Variants in RPGRIP1 observed in about 807,000 individuals in gnomAD.
The protein encoded by RPGRIP1 is RPGR interacting protein 1, also known as X-linked retinitis pigmentosa GTPase regulator-interacting protein 1.
In RPGRIP1, 128 loss-of-function variants were observed where a neutral mutation model predicts 157.9. That is an observed-to-expected ratio of 0.81 (90% confidence interval 0.70 to 0.94). RPGRIP1 has a LOEUF of 0.94. Among genes scored for constraint, RPGRIP1 ranks in the 40% least tolerant of loss-of-function variants. The pLI is 0.00. For synonymous variants in RPGRIP1, 554 were observed against 571.6 expected, an observed-to-expected ratio of 0.97 and a Z score of 0.44; for missense variants, 1,486 against 1,545.8, an observed-to-expected ratio of 0.96 and a Z score of 0.65.
intron 13 of RPGRIP1, 122 bp from the exon 14 acceptor site, chr14:21,321,732 C>G (rs1356964638): frequency 4.0e-6 from 4 of 1,005,540 alleles, no homozygotes; most frequent in East Asian, 5.1e-5. Context: ...AAACCTTCTT[C>G]TAGTGGGTGA....
chr14:21,292,394 T>C (rs2139140068), intron 2 of RPGRIP1, among the ~76,000 whole-genome samples: 1 of 152,002 alleles, frequency 6.6e-6, no homozygotes, highest in Middle Eastern at 3.4e-3. Context: ...CACAAATAGA[T>C]AAAACCACAT....
At chr14:21,324,330 C>A in intron 14 of RPGRIP1, 1 of 478,468 alleles carries the variant, frequency 2.1e-6, no homozygotes, top group African/African-American at 1.9e-5. Context: ...AAAACAATGT[C>A]ATATATAAGA....
At chr14:21,335,257 G>C (rs76523136) in intron 21 of RPGRIP1, among the ~76,000 whole-genome samples, 6,615 of 152,082 alleles carry the variant, frequency 0.043, 477 homozygotes, top group African/African-American at 0.15. Context: ...CAATACTTCT[G>C]TCCTATCTGG....
rs114921103 is a variant in RPGRIP1 at position 21,318,859 on chromosome 14, T to C, written c.1306+1009T>C. On this transcript the variant is annotated intron_variant, in intron 11 of 24. Transcript: ENST00000400017. The stretch of plus-strand genomic sequence containing the variant: ...GGAATACTTTTTTTTTTTTTTGCCA[T>C]CCAATTCTTGAAATTGAGTAGCAAA... 7.3e-3 allele frequency among the ~76,000 whole-genome samples: 1,106 copies of C among 151,806 alleles called. 11 individuals carry two copies. The highest frequency in any genetic ancestry group is 0.025 in the African/African-American group (1,043 of 41,414).
chr14:21,282,384 G>T (rs1859288918), intron 1 of RPGRIP1, among the ~76,000 whole-genome samples: 1 of 151,502 alleles, frequency 6.6e-6, no homozygotes, highest in Admixed American at 6.6e-5. Flanking sequence ...CTACAGGCAC[G>T]CACCACCATG....
At position 21,328,031 on chromosome 14, in the gene RPGRIP1, G is replaced by A. The variant is rs550360056; in HGVS notation, c.2895+224G>A. On this transcript the variant is annotated intron_variant, in intron 18 of 24. Coordinates refer to ENST00000400017, the MANE Select transcript of RPGRIP1 (RefSeq NM_020366.4). ...TAAAAATACAAAAAATTAGCTGGGC[G>A]TGGTGGCACATGCCTGTAATCCCAG... is the stretch of plus-strand genomic sequence containing the variant. Among the ~76,000 whole-genome samples, 9 of 152,246 alleles carry A rather than the reference G, an allele frequency of 5.9e-5. No individual in the cohort carries two copies. The South Asian group carries it at 1.0e-3, about 18-fold the overall frequency.
chr14:21,342,301 G>C (rs1378935165), intron 21 of RPGRIP1, among the ~76,000 whole-genome samples: 3 of 152,064 alleles, frequency 2.0e-5, no homozygotes, highest in Non-Finnish European at 4.4e-5. Flanking sequence ...CAGCCACTTT[G>C]GGAGGCTGAG....
chr14:21,351,007 A>T (rs1019225537), intron 24 of RPGRIP1, 97 bp from the exon 25 acceptor site: 2 of 644,066 alleles, frequency 3.1e-6, no homozygotes, highest in Non-Finnish European at 2.7e-6. Context: ...TGAAATGGGT[A>T]ATTTCATTCA....
intron 3 of RPGRIP1, among the ~76,000 whole-genome samples, chr14:21,299,984 T>A (rs1342820623): frequency 6.6e-6 from 1 of 152,162 alleles, no homozygotes; most frequent in East Asian, 1.9e-4. Context: ...CCCACCCTTG[T>A]GAACTCATTT....
At chr14:21,342,684 G>A (rs906835770) in intron 21 of RPGRIP1, among the ~76,000 whole-genome samples, 4 of 151,992 alleles carry the variant, frequency 2.6e-5, no homozygotes, top group African/African-American at 9.7e-5. Flanking sequence ...TTCCCACCAA[G>A]CAACCTCCCA....
intron 9 of RPGRIP1, 51 bp downstream of exon 9, chr14:21,312,021 T>A: frequency 6.6e-7 from 1 of 1,513,636 alleles, no homozygotes; most frequent in Non-Finnish European, 9.1e-7. Flanking sequence ...TTCAGGGATG[T>A]TAGAATGTGT....
intron 4 of RPGRIP1, 134 bp from the exon 5 acceptor site, chr14:21,302,354 G>A (rs1028155975): frequency 1.2e-5 from 5 of 430,712 alleles, no homozygotes; most frequent in African/African-American, 8.1e-5. Flanking sequence ...ACTGCTCCTC[G>A]GGGACCATTT....
chr14:21,321,356 C>T lies in RPGRIP1; in HGVS notation c.1565C>T (p.Thr522Ile). 2.5e-6 allele frequency: 4 copies of T among 1,613,764 alleles called. No homozygotes were observed. The highest frequency in any genetic ancestry group is 3.4e-6 in the Non-Finnish European group (4 of 1,179,778). ...GAGACCACATTGGAACTAGAAAAGACCAGGGACATGCTTATTCTGCAGCGC... is the reference window on the plus strand; with the variant it reads ...GAGACCACATTGGAACTAGAAAAGATCAGGGACATGCTTATTCTGCAGCGC... Reference protein sequence around the residue: ...HAETTLELEKTRDMLILQRKI... With the variant: ...HAETTLELEKIRDMLILQRKI... The change falls in exon 13 of 25, where the codon ACC becomes ATC. Residue 522 changes from threonine (T) to isoleucine (I), a missense_variant. By Grantham distance (89) the Thr-to-Ile change is moderately conservative (BLOSUM62 -1). Transcript: ENST00000400017.
intron 9 of RPGRIP1, 101 bp downstream of exon 9, chr14:21,312,071 C>A: frequency 4.5e-6 from 5 of 1,120,074 alleles, no homozygotes; most frequent in Non-Finnish European, 3.9e-6. Context: ...TTTCAAATGA[C>A]AAAAACGAAG....
chr14:21,299,662 T>C (rs1880940320), intron 3 of RPGRIP1, among the ~76,000 whole-genome samples: 1 of 152,212 alleles, frequency 6.6e-6, no homozygotes, highest in East Asian at 1.9e-4. Context: ...TATTTATAAA[T>C]GAGGAAACTG....
chr14:21,305,786 G>A (rs976063778), intron 6 of RPGRIP1, among the ~76,000 whole-genome samples: 3 of 152,072 alleles, frequency 2.0e-5, no homozygotes, highest in East Asian at 1.9e-4. Context: ...GCTTGAACCC[G>A]AGAGGCAGGG....
At chr14:21,345,053 T>G in intron 22 of RPGRIP1, 60 bp from the exon 23 acceptor site, 1 of 1,097,672 alleles carries the variant, frequency 9.1e-7, no homozygotes, top group South Asian at 1.3e-5. Flanking sequence ...AATGAAAGTC[T>G]TGGGGCTCAC....
At chr14:21,282,915 T>A (rs1404787828) in intron 1 of RPGRIP1, among the ~76,000 whole-genome samples, 6 of 151,928 alleles carry the variant, frequency 3.9e-5, no homozygotes, top group African/African-American at 1.5e-4. Flanking sequence ...CGGCCTACAT[T>A]CCACTTTTTC....
At position 21,325,798 on chromosome 14, in the gene RPGRIP1, C is replaced by G. The variant is rs1883020615; in HGVS notation, c.2368-33C>G. The G allele has an allele frequency of 4.5e-6, 7 of 1,540,028 alleles. No individual in the cohort carries two copies. In the East Asian group the frequency reaches 1.4e-4, roughly 30 times the overall value. On this transcript the variant is annotated intron_variant, in intron 16 of 24. Coordinates refer to ENST00000400017, the MANE Select transcript of RPGRIP1 (RefSeq NM_020366.4). ...TCACCTACAACAGTCTCAAGCTGCC[C>G]TTTTCCTCAATCCATGACCAACATC...
Sources: gnomAD v4.1 joint callset for allele counts (sites outside exome capture counted in the v4.1 genomes callset) on GRCh38, gnomAD v4.1.1 for gene constraint, MANE v1.5 for transcripts, NCBI Gene and HGNC (gene_info 2026-07-23, HGNC 2026-07-21) for gene names.